The following KCNQ1 variants were observed in gnomAD, a reference collection of about 807,000 sequenced individuals.
KCNQ1 encodes potassium voltage-gated channel subfamily KQT member 1.
KCNQ1 carries 49 observed loss-of-function variants against 72.4 expected under a neutral mutation model. The ratio of observed to expected loss-of-function variants is 0.68; its 90% CI spans 0.54 to 0.86. The LOEUF (loss-of-function observed/expected upper bound fraction) is 0.86, where lower values mean the gene tolerates loss of function less well. KCNQ1 is among the 40% of genes least tolerant of loss of function. KCNQ1 has a pLI of 0.00. For synonymous variants in KCNQ1, 450 were observed against 412.6 expected (o/e 1.09, Z -1.10); for missense variants, 790 against 945.1 (o/e 0.84, Z 2.15).
In KCNQ1 at chr11:2,661,930, C is replaced by G. The variant is rs756990542; in HGVS notation, c.1394-31C>G. The G allele has an allele frequency of 6.2e-7, 1 of 1,614,066 alleles. No homozygotes were observed. The highest frequency in any genetic ancestry group is 8.5e-7 in the Non-Finnish European group (1 of 1,180,022). ...AGCACTGGCAGGTTGGGTGGGAGGC[C>G]TAACGTGCTGTCCCCACACTTTCTC... On this transcript the variant is annotated intron_variant, in intron 10 of 15. Coordinates refer to ENST00000155840, the MANE Select transcript of KCNQ1 (RefSeq NM_000218.3). The surrounding 1 kb of genome is among the most constrained non-coding windows in gnomAD (Gnocchi z 5.9).
chr11:2,449,353 G>C (rs772348900), intron 1 of KCNQ1, among the ~76,000 whole-genome samples: 2 of 152,236 alleles, frequency 1.3e-5, no homozygotes, highest in Non-Finnish European at 2.9e-5. Context: ...TGGAACCTTT[G>C]CATATAACGT....
At chr11:2,797,174 G>T (rs79192249) in intron 15 of KCNQ1, among the ~76,000 whole-genome samples, 18,888 of 152,198 alleles carry the variant, frequency 0.12, 1,300 homozygotes, top group Non-Finnish European at 0.16. Flanking sequence ...GGGGTGGCGG[G>T]GGGGAGGCCC....
chr11:2,557,292 A>C (rs1441108797), intron 2 of KCNQ1, among the ~76,000 whole-genome samples: 5 of 152,208 alleles, frequency 3.3e-5, no homozygotes, highest in Non-Finnish European at 5.9e-5. Context: ...AAAATACATA[A>C]AGCAAAAACT....
chr11:2,577,711 C>T (rs943192822), intron 6 of KCNQ1, among the ~76,000 whole-genome samples: 6 of 152,182 alleles, frequency 3.9e-5, no homozygotes, highest in African/African-American at 1.4e-4. Flanking sequence ...CACCTGGTGG[C>T]GTCAGCCCCT....
intron 12 of KCNQ1, among the ~76,000 whole-genome samples, chr11:2,771,189 G>C (rs1401210212): frequency 6.6e-6 from 1 of 152,272 alleles, no homozygotes; most frequent in Non-Finnish European, 1.5e-5. Flanking sequence ...GAACCCAGCA[G>C]AGCATGCAGA....
Position 2,677,089 on chromosome 11 carries a change from A to G in KCNQ1, c.1514+15008A>G. 1 of 398,614 alleles carries G rather than the reference A, an allele frequency of 2.5e-6. No individual in the cohort carries two copies. The highest frequency in any genetic ancestry group is 4.4e-6 in the Non-Finnish European group (1 of 226,066). 24.7% of individuals were successfully genotyped at this position (398,614 alleles called of 1,614,324 possible). A position where few individuals can be genotyped will look rare whatever the true frequency, so the allele number is the denominator to read the frequency against. On this transcript the variant is annotated intron_variant, in intron 11 of 15. Transcript: ENST00000155840. The surrounding 1 kb of genome is among the most constrained non-coding windows in gnomAD (Gnocchi z 4.5). ...CATTAACCATTCAAATATATTCACTACTGAAATGACCACTTATGAAATTAG... is the reference window on the plus strand; with the variant it reads ...CATTAACCATTCAAATATATTCACTGCTGAAATGACCACTTATGAAATTAG...
chr11:2,818,188 G>T lies in KCNQ1; in HGVS notation c.1795-29579G>T, dbSNP rs540052850. ...CCCCAACTTCCGAGCCCTAGGAAAG[G>T]GTCTTGTCTGCTCTTCCCCTCAGTG... is the stretch of plus-strand genomic sequence containing the variant. On this transcript the variant is annotated intron_variant, in intron 15 of 15. Coordinates refer to ENST00000155840, the MANE Select transcript of KCNQ1 (RefSeq NM_000218.3). This position sits in a 1 kb window ranked among gnomAD's most constrained non-coding sequence, Gnocchi z 7.2. Among the ~76,000 whole-genome samples the T allele has an allele frequency of 6.6e-6, 1 of 152,248 alleles. No individual in the cohort carries two copies. Among genetic ancestry groups the T allele is most frequent in the East Asian group, 1.9e-4 (1 of 5,180 alleles).
Position 2,621,008 on chromosome 11 carries a change from T to G in KCNQ1, c.1393+32154T>G. On this transcript the variant is annotated intron_variant, in intron 10 of 15. Transcript: ENST00000155840. The surrounding 1 kb of genome is among the most constrained non-coding windows in gnomAD (Gnocchi z 5.7). Reference sequence around the variant, plus strand: ...TTGTTTGTTTTTTGAGAAAGAGTCTTGCTCTGTCTCCCAGGCTGGAGTGCA... The same window carrying G: ...TTGTTTGTTTTTTGAGAAAGAGTCTGGCTCTGTCTCCCAGGCTGGAGTGCA... 2.5e-6 allele frequency: 1 copy of G among 397,304 alleles called. No homozygotes were observed. The allele number at this position is 397,304 out of a possible 1,614,324, so 24.6% of individuals were successfully genotyped here.
intron 1 of KCNQ1, among the ~76,000 whole-genome samples, chr11:2,472,112 A>G (rs941986315): frequency 7.0e-6 from 1 of 142,212 alleles, no homozygotes; most frequent in Middle Eastern, 5.8e-3. Flanking sequence ...ACCTATGTGT[A>G]TAAGTGTATG....
At chr11:2,641,848 A>T (rs1194286370) in intron 10 of KCNQ1, 3 of 398,300 alleles carry the variant, frequency 7.5e-6, no homozygotes. Context: ...CATTTTTCAC[A>T]TGGATATCTT....
chr11:2,575,488 C>T (rs1848409518), intron 6 of KCNQ1, among the ~76,000 whole-genome samples: 1 of 152,206 alleles, frequency 6.6e-6, no homozygotes, highest in South Asian at 2.1e-4. Flanking sequence ...CTCGGACAAA[C>T]AGAACTTGAG....
In KCNQ1 at chr11:2,549,751, C is replaced by T. The variant is rs994903039; in HGVS notation, c.478-20877C>T. ...GTGGGGGTGCCTGGGGGGCAGTGGA[C>T]GTGAGCAGCAGCACGTGGCCCCCAG... is the stretch of plus-strand genomic sequence containing the variant. On this transcript the variant is annotated intron_variant, in intron 2 of 15. Coordinates refer to ENST00000155840, the MANE Select transcript of KCNQ1 (RefSeq NM_000218.3). The surrounding 1 kb of genome is among the most constrained non-coding windows in gnomAD (Gnocchi z 6.2). 2.0e-5 allele frequency among the ~76,000 whole-genome samples: 3 copies of T among 152,038 alleles called. No homozygotes were observed. The highest frequency in any genetic ancestry group is 7.2e-5 in the African/African-American group (3 of 41,410).
chr11:2,835,397 T>TCACACACACACACACACACAAA (rs1848039884), intron 15 of KCNQ1, among the ~76,000 whole-genome samples: 2 of 130,478 alleles, frequency 1.5e-5, no homozygotes, highest in African/African-American at 5.3e-5. Context: ...AAACCCTGAC[T>TCACACACACACACACACACAAA]CACACACACA....
chr11:2,814,524 A>G (rs1419705856), intron 15 of KCNQ1, among the ~76,000 whole-genome samples: 1 of 148,024 alleles, frequency 6.8e-6, no homozygotes, highest in East Asian at 2.5e-4. Flanking sequence ...CTGGATAAAG[A>G]GACGGCTGGG....
intron 1 of KCNQ1, among the ~76,000 whole-genome samples, chr11:2,527,673 C>T (rs1401772781): frequency 6.6e-6 from 1 of 152,256 alleles, no homozygotes; most frequent in East Asian, 1.9e-4. Context: ...TGTGTCTGGC[C>T]TTGGCGCCAT....
chr11:2,794,111 T>A (rs1241387368), intron 15 of KCNQ1, among the ~76,000 whole-genome samples: 1 of 152,122 alleles, frequency 6.6e-6, no homozygotes, highest in East Asian at 1.9e-4. Context: ...CAGGGGTGGC[T>A]CCGGCTTCGT....
rs1349571829 is a variant in KCNQ1 at position 2,762,150 on chromosome 11, G to A, written c.1515-6694G>A. Among the ~76,000 whole-genome samples, 3 of 152,228 alleles carry A rather than the reference G, an allele frequency of 2.0e-5. No homozygotes were observed. The highest frequency in any genetic ancestry group is 2.9e-5 in the Non-Finnish European group (2 of 68,042). ...GAAAGAGGCCAGGACGTGAGGCCAGGGTAATAGTTCCTCTCGTGTGTCAGG... is the reference window on the plus strand; with the variant it reads ...GAAAGAGGCCAGGACGTGAGGCCAGAGTAATAGTTCCTCTCGTGTGTCAGG... On this transcript the variant is annotated intron_variant, in intron 11 of 15. Coordinates refer to ENST00000155840, the MANE Select transcript of KCNQ1 (RefSeq NM_000218.3). The surrounding 1 kb of genome is among the most constrained non-coding windows in gnomAD (Gnocchi z 4.3).
chr11:2,705,746 G>T (rs1214916179), intron 11 of KCNQ1, among the ~76,000 whole-genome samples: 1 of 152,248 alleles, frequency 6.6e-6, no homozygotes, highest in Non-Finnish European at 1.5e-5. Flanking sequence ...ATTATCTCTT[G>T]AGTCCTGGGA....
In KCNQ1 at chr11:2,653,891, T is replaced by G; in HGVS notation, c.1394-8070T>G. ...TAGGAGTGGGAAAGGAAGAGCCCCC[T>G]AAGGAAGATTTGAGAAGCTGTTCCC... On this transcript the variant is annotated intron_variant, in intron 10 of 15. Transcript: ENST00000155840. The surrounding 1 kb of genome is among the most constrained non-coding windows in gnomAD (Gnocchi z 5.3). 2.5e-6 allele frequency: 1 copy of G among 398,634 alleles called. No individual in the cohort carries two copies. Among genetic ancestry groups the G allele is most frequent in the Non-Finnish European group, 4.4e-6 (1 of 226,114 alleles). 24.7% of individuals were successfully genotyped at this position (398,634 alleles called of 1,614,324 possible).
Sources: gnomAD v4.1 joint callset for allele counts (sites outside exome capture counted in the v4.1 genomes callset) on GRCh38, gnomAD v4.1.1 for gene constraint, Gnocchi (gnomAD v3.1) non-coding constraint, MANE v1.5 for transcripts, NCBI Gene and HGNC (gene_info 2026-07-23, HGNC 2026-07-21) for gene names.